The following ITGA6 variants were observed in gnomAD, a reference collection of about 807,000 sequenced individuals.
ITGA6 encodes the protein integrin alpha-6.
A neutral mutation model predicts 133.6 loss-of-function variants in ITGA6; 63 were observed. The ratio of observed to expected loss-of-function variants is 0.47; its 90% CI spans 0.38 to 0.58. ITGA6 has a LOEUF of 0.58. Ranked by LOEUF, ITGA6 falls within the 20% of genes least tolerant of loss-of-function variation. The pLI is 0.00. For missense variants in ITGA6, 1,068 were observed against 1,309.4 expected, an observed-to-expected ratio of 0.82 and a Z score of 2.85; for synonymous variants, 434 against 482.0, an observed-to-expected ratio of 0.90 and a Z score of 1.30.
chr2:172,452,711 A>G (rs1685056838), intron 1 of ITGA6, among the ~76,000 whole-genome samples: 1 of 152,236 alleles, frequency 6.6e-6, no homozygotes, highest in African/African-American at 2.4e-5. Flanking sequence ...GCCAAGTTGA[A>G]GTTTCCTAAG....
chr2:172,485,283 C>G lies in ITGA6; in HGVS notation c.1854+19C>G, dbSNP rs1017179750. On this transcript the variant is annotated intron_variant, in intron 13 of 25. Coordinates refer to ENST00000684293, the MANE Select transcript of ITGA6 (RefSeq NM_000210.4). The stretch of plus-strand genomic sequence containing the variant: ...TATTGATGTAAGTCTCTCTGACTTT[C>G]ATTTTGCCAAAGTTTTTTTGCCATT... 7 of 1,612,768 alleles carry G rather than the reference C, an allele frequency of 4.3e-6. No homozygotes were observed. In the African/African-American group the frequency reaches 6.7e-5, roughly 15 times the overall value.
At chr2:172,438,714 T>C (rs1215752614) in intron 1 of ITGA6, among the ~76,000 whole-genome samples, 1 of 151,678 alleles carries the variant, frequency 6.6e-6, no homozygotes, top group Non-Finnish European at 1.5e-5. Flanking sequence ...TAAAGTAAAA[T>C]ATGAACATAA....
intron 1 of ITGA6, chr2:172,465,322 G>A (rs957269613): frequency 1.1e-5 from 7 of 615,932 alleles, no homozygotes; most frequent in Non-Finnish European, 2.0e-5. Flanking sequence ...CCTCGTTTTG[G>A]TATCCCCTCT....
chr2:172,491,396 T>A lies in ITGA6; in HGVS notation c.2890-29T>A. 6.3e-7 allele frequency: 1 copy of A among 1,586,546 alleles called. No individual in the cohort carries two copies. Among genetic ancestry groups the A allele is most frequent in the Non-Finnish European group, 8.7e-7 (1 of 1,154,954 alleles). On this transcript the variant is annotated intron_variant, in intron 22 of 25. Transcript: ENST00000684293. This position sits in a 1 kb window ranked among gnomAD's most constrained non-coding sequence, Gnocchi z 4.4. ...GCCTTTGCCTAGGACACTTTTCACT[T>A]CCCTAATGCATTCACTGTCTCCAAA...
intron 1 of ITGA6, among the ~76,000 whole-genome samples, chr2:172,463,468 CA>C (rs1345987061): frequency 1.3e-5 from 2 of 152,160 alleles, no homozygotes; most frequent in Admixed American, 6.5e-5. Flanking sequence ...GCATACAGAA[CA>C]GTTTTGGTTG....
intron 1 of ITGA6, among the ~76,000 whole-genome samples, chr2:172,449,942 AAGAGAG>A (rs1462329446): frequency 6.8e-6 from 1 of 147,168 alleles, no homozygotes; most frequent in Non-Finnish European, 1.5e-5. Context: ...AAAAAAAAAA[AAGAGAG>A]AGAAGAGGAT....
Position 172,475,215 on chromosome 2 carries a change from C to T in ITGA6, c.1180+93C>T, listed in dbSNP as rs1290589267. ...GGGCACAGTGGCTCACGCCTGTAAT[C>T]CCAGCACTTTGGGAGGCTGAGGTGG... On this transcript the variant is annotated intron_variant, in intron 7 of 25. Transcript: ENST00000684293. 1.2e-5 allele frequency: 11 copies of T among 912,804 alleles called. No individual in the cohort carries two copies. In the East Asian group the frequency reaches 2.6e-4, roughly 21 times the overall value. The allele number at this position is 912,804 out of a possible 1,614,324, so 56.5% of individuals were successfully genotyped here. A position where few individuals can be genotyped will look rare whatever the true frequency, so the allele number is the denominator to read the frequency against.
rs139028198 is a variant in ITGA6, at chr2:172,486,990, T to G, written c.1855-33T>G. ...CGATGCCTTCCTGAGTCCTGAATGGTGTAAATTGACAATAGTTTTCGTTTT... is the reference window on the plus strand; with the variant it reads ...CGATGCCTTCCTGAGTCCTGAATGGGGTAAATTGACAATAGTTTTCGTTTT... On this transcript the variant is annotated intron_variant, in intron 13 of 25. Coordinates refer to ENST00000684293, the MANE Select transcript of ITGA6 (RefSeq NM_000210.4). 784 of 1,188,540 alleles carry G rather than the reference T, an allele frequency of 6.6e-4. 8 individuals carry two copies. The African/African-American group carries it at 0.011, about 16-fold the overall frequency. 73.6% of individuals were successfully genotyped at this position (1,188,540 alleles called of 1,614,324 possible). A position where few individuals can be genotyped will look rare whatever the true frequency, so the allele number is the denominator to read the frequency against.
At chr2:172,453,088 A>G (rs1256507342) in intron 1 of ITGA6, among the ~76,000 whole-genome samples, 1 of 152,198 alleles carries the variant, frequency 6.6e-6, no homozygotes, top group African/African-American at 2.4e-5. Flanking sequence ...TGAATGAAAG[A>G]GTGGAGAGTG....
At chr2:172,465,337 C>T in intron 1 of ITGA6, 1 of 648,474 alleles carries the variant, frequency 1.5e-6, no homozygotes, top group East Asian at 2.7e-5. Flanking sequence ...CCCTCTTTGG[C>T]TTCCCCTGTT....
At chr2:172,497,929 T>C (rs749109956) in intron 23 of ITGA6, 46 bp from the exon 24 acceptor site, 2 of 1,611,270 alleles carry the variant, frequency 1.2e-6, no homozygotes, top group South Asian at 1.1e-5. Context: ...TGGTGTGAAC[T>C]CTTGCCGCTG....
rs1435718379 is a variant in ITGA6, at chr2:172,491,377, G to T, written c.2889+46G>T. 1 of 1,576,498 alleles carries T rather than the reference G, an allele frequency of 6.3e-7. No homozygotes were observed. The highest frequency in any genetic ancestry group is 8.7e-7 in the Non-Finnish European group (1 of 1,145,888). ...TGTCCCATGGAAGTAATTTGCCTTTGCCTAGGACACTTTTCACTTCCCTAA... is the reference window on the plus strand; with the variant it reads ...TGTCCCATGGAAGTAATTTGCCTTTTCCTAGGACACTTTTCACTTCCCTAA... On this transcript the variant is annotated intron_variant, in intron 22 of 25. Transcript: ENST00000684293. This position sits in a 1 kb window ranked among gnomAD's most constrained non-coding sequence, Gnocchi z 4.4.
intron 3 of ITGA6, among the ~76,000 whole-genome samples, chr2:172,468,191 T>C (rs563457838): frequency 4.9e-4 from 75 of 152,316 alleles, no homozygotes; most frequent in African/African-American, 1.8e-3. Flanking sequence ...AGTAAAAATA[T>C]GGGCATGGTC....
At chr2:172,429,427 G>A (rs1245283371) in intron 1 of ITGA6, among the ~76,000 whole-genome samples, 1 of 152,066 alleles carries the variant, frequency 6.6e-6, no homozygotes, top group Non-Finnish European at 1.5e-5. Context: ...AAATGATTGT[G>A]GGCCAGCAGA....
At chr2:172,495,442 C>T in intron 23 of ITGA6, 1 of 152,252 alleles carries the variant, frequency 6.6e-6, no homozygotes, top group Non-Finnish European at 1.5e-5. Context: ...TCACAGCCCA[C>T]CCTTTGTCTT....
intron 1 of ITGA6, among the ~76,000 whole-genome samples, chr2:172,448,849 A>AT (rs1254934552): frequency 7.2e-5 from 11 of 152,338 alleles, no homozygotes; most frequent in Admixed American, 1.3e-4. Context: ...TACAAAAAAA[A>AT]GCAGGATCTG....
chr2:172,435,109 T>C (rs1391844873), intron 1 of ITGA6, among the ~76,000 whole-genome samples: 1 of 151,816 alleles, frequency 6.6e-6, no homozygotes, highest in East Asian at 1.9e-4. Context: ...AGAATGTCAC[T>C]GAACCTAAGC....
At chr2:172,494,744 G>A (rs189458569) in intron 23 of ITGA6, among the ~76,000 whole-genome samples, 352 of 152,290 alleles carry the variant, frequency 2.3e-3, no homozygotes, top group Non-Finnish European at 3.4e-3. Flanking sequence ...CATGCTGTAG[G>A]AGACAGAACC....
At position 172,478,396 on chromosome 2, in the gene ITGA6, G is replaced by A. The variant is rs547558604; in HGVS notation, c.1389-1245G>A. Among the ~76,000 whole-genome samples, 3 of 152,282 alleles carry A rather than the reference G, an allele frequency of 2.0e-5. No homozygotes were observed. In the South Asian group the frequency reaches 6.2e-4, roughly 32 times the overall value. ...TCCAGAATGGCTGGGTTTACCACAA[G>A]CCCATCAGAGTCAGCCTAACTGAAT... On this transcript the variant is annotated intron_variant, in intron 9 of 25. Coordinates refer to ENST00000684293, the MANE Select transcript of ITGA6 (RefSeq NM_000210.4).
Sources: gnomAD v4.1 joint callset for allele counts (sites outside exome capture counted in the v4.1 genomes callset) on GRCh38, gnomAD v4.1.1 for gene constraint, Gnocchi (gnomAD v3.1) non-coding constraint, MANE v1.5 for transcripts, NCBI Gene and HGNC (gene_info 2026-07-23, HGNC 2026-07-21) for gene names.